The following CHRM3 variants were observed in gnomAD, a reference collection of about 807,000 sequenced individuals.
CHRM3 encodes the protein muscarinic acetylcholine receptor M3.
CHRM3 carries 11 observed loss-of-function variants against 41.8 expected under a neutral mutation model. That is an observed-to-expected ratio of 0.26 (90% CI 0.17 to 0.44). The LOEUF (loss-of-function observed/expected upper bound fraction) is 0.44, where lower values mean the gene tolerates loss of function less well. Among genes scored for constraint, CHRM3 ranks in the 20% least tolerant of loss-of-function variants. The pLI, the probability that CHRM3 is intolerant of heterozygous loss-of-function variation, is 1.00. For synonymous variants in CHRM3, 297 were observed against 301.4 expected, an observed-to-expected ratio of 0.99 and a Z score of 0.15; for missense variants, 571 against 745.4, an observed-to-expected ratio of 0.77 and a Z score of 2.72.
chr1:239,452,308 A>T (rs1398343787), intron 1 of CHRM3, among the ~76,000 whole-genome samples: 1 of 152,190 alleles, frequency 6.6e-6, no homozygotes, highest in Non-Finnish European at 1.5e-5. Context: ...AGCAACTAAC[A>T]GTTACTCTTA....
chr1:239,489,460 T>C (rs1320088618), intron 1 of CHRM3, among the ~76,000 whole-genome samples: 2 of 152,054 alleles, frequency 1.3e-5, no homozygotes, highest in African/African-American at 2.4e-5. Context: ...CGTTTCTCAT[T>C]CTTGGTATCA....
At chr1:239,797,525 T>C (rs1039103656) in intron 5 of CHRM3, among the ~76,000 whole-genome samples, 1 of 152,132 alleles carries the variant, frequency 6.6e-6, no homozygotes, top group Admixed American at 6.5e-5. Flanking sequence ...GAAATGACTT[T>C]ATGTGTTTGA....
intron 6 of CHRM3, among the ~76,000 whole-genome samples, chr1:239,841,096 T>A (rs1350742685): frequency 6.6e-6 from 1 of 152,236 alleles, no homozygotes. Context: ...CTGAGGTGTC[T>A]TGTTTAGTAA....
chr1:239,540,554 C>T (rs940459518), intron 2 of CHRM3, among the ~76,000 whole-genome samples: 1 of 152,160 alleles, frequency 6.6e-6, no homozygotes, highest in Non-Finnish European at 1.5e-5. Context: ...TTAGAAATTA[C>T]ACATTATGTT....
chr1:239,641,005 G>C (rs1358387585), intron 4 of CHRM3, among the ~76,000 whole-genome samples: 2 of 152,020 alleles, frequency 1.3e-5, no homozygotes, highest in South Asian at 4.2e-4. Context: ...CTTTATTTCT[G>C]CCTTCATTTC....
At chr1:239,598,189 C>T (rs541025414) in intron 3 of CHRM3, among the ~76,000 whole-genome samples, 3 of 152,154 alleles carry the variant, frequency 2.0e-5, no homozygotes, top group Admixed American at 1.3e-4. Flanking sequence ...TTAGAAAGGC[C>T]TCAGTTACTA....
chr1:239,680,054 A>C (rs1215843220), intron 5 of CHRM3, among the ~76,000 whole-genome samples: 1 of 152,058 alleles, frequency 6.6e-6, no homozygotes, highest in African/African-American at 2.4e-5. Context: ...CTGCCCTAAT[A>C]CCTTCCCTTC....
At chr1:239,599,403 G>A (rs67920721) in intron 3 of CHRM3, among the ~76,000 whole-genome samples, 5,903 of 149,620 alleles carry the variant, frequency 0.039, 149 homozygotes, top group East Asian at 0.11. Context: ...GTTCTGCAGG[G>A]TTACTACTAA....
intron 5 of CHRM3, among the ~76,000 whole-genome samples, chr1:239,716,932 A>G (rs760258468): frequency 1.3e-5 from 2 of 152,154 alleles, no homozygotes; most frequent in South Asian, 2.1e-4. Flanking sequence ...AACCATCCAT[A>G]TGGCATATTT....
Position 239,914,549 on chromosome 1 carries a change from A to G in CHRM3, c.*5325A>G, listed in dbSNP as rs1345598009. ...AAATAATTTAGAGTCCAAAGAGGAA[A>G]AAGAAAATTAACTCTGTTTTTTATC... On this transcript the variant is annotated 3_prime_UTR_variant, in exon 7 of 7. Transcript: ENST00000676153. The G allele has an allele frequency of 6.0e-6, 1 of 167,124 alleles. No individual in the cohort carries two copies. The highest frequency in any genetic ancestry group is 6.5e-5 in the Admixed American group (1 of 15,292). The allele number at this position is 167,124 out of a possible 1,614,324, so 10.4% of individuals were successfully genotyped here.
chr1:239,435,408 C>T (rs889139368), intron 1 of CHRM3, among the ~76,000 whole-genome samples: 1 of 151,046 alleles, frequency 6.6e-6, no homozygotes, highest in African/African-American at 2.4e-5. Flanking sequence ...GAGATTGCAC[C>T]ACTGCACTCC....
At chr1:239,400,150 C>A (rs1659843605) in intron 1 of CHRM3, among the ~76,000 whole-genome samples, 1 of 152,154 alleles carries the variant, frequency 6.6e-6, no homozygotes. Context: ...CTTAAGTGAT[C>A]CGCCCACCTC....
At chr1:239,828,661 C>T (rs992307368) in intron 6 of CHRM3, among the ~76,000 whole-genome samples, 6 of 152,014 alleles carry the variant, frequency 3.9e-5, no homozygotes, top group East Asian at 3.9e-4. Context: ...AGATGCAGAA[C>T]GGACAGAGAA....
In CHRM3 at chr1:239,909,417, A is replaced by G; in HGVS notation, c.*193A>G. 2.2e-6 allele frequency: 1 copy of G among 453,222 alleles called. No individual in the cohort carries two copies. The highest frequency in any genetic ancestry group is 3.9e-6 in the Non-Finnish European group (1 of 256,864). 28.1% of individuals were successfully genotyped at this position (453,222 alleles called of 1,614,324 possible). A position where few individuals can be genotyped will look rare whatever the true frequency, so the allele number is the denominator to read the frequency against. ...AGAAAAAGTCAATACCAATTCAGCA[A>G]AAAGAAAAAAAAAACATACTACTGA... On this transcript the variant is annotated 3_prime_UTR_variant, in exon 7 of 7. Coordinates refer to ENST00000676153, the MANE Select transcript of CHRM3 (RefSeq NM_001375978.1).
At chr1:239,717,217 G>C (rs1180574899) in intron 5 of CHRM3, among the ~76,000 whole-genome samples, 1 of 152,096 alleles carries the variant, frequency 6.6e-6, no homozygotes, top group Admixed American at 6.6e-5. Context: ...TTAAAACTGT[G>C]CCCTTGCAGA....
At chr1:239,780,380 G>T (rs746905902) in intron 5 of CHRM3, among the ~76,000 whole-genome samples, 1 of 152,186 alleles carries the variant, frequency 6.6e-6, no homozygotes, top group Non-Finnish European at 1.5e-5. Context: ...AAGAAAATAT[G>T]TTGAGCATGT....
At chr1:239,407,502 C>T (rs2103023910) in intron 1 of CHRM3, among the ~76,000 whole-genome samples, 1 of 151,432 alleles carries the variant, frequency 6.6e-6, no homozygotes, top group Middle Eastern at 3.4e-3. Context: ...TTAATATATG[C>T]TAGCAGAATG....
At chr1:239,607,714 A>C (rs1666505916) in intron 3 of CHRM3, among the ~76,000 whole-genome samples, 1 of 152,176 alleles carries the variant, frequency 6.6e-6, no homozygotes, top group Non-Finnish European at 1.5e-5. Context: ...TGTGTATATC[A>C]CACATTAATT....
At chr1:239,610,172 G>T (rs1419799720) in intron 3 of CHRM3, among the ~76,000 whole-genome samples, 26 of 112,282 alleles carry the variant, frequency 2.3e-4, no homozygotes, top group Non-Finnish European at 3.7e-4. Flanking sequence ...CAGCCTGGGC[G>T]ACAGAGCAAG....
Sources: gnomAD v4.1 joint callset for allele counts (sites outside exome capture counted in the v4.1 genomes callset) on GRCh38, gnomAD v4.1.1 for gene constraint, MANE v1.5 for transcripts, NCBI Gene and HGNC (gene_info 2026-07-23, HGNC 2026-07-21) for gene names.